The following ZFAND6 variants were observed in gnomAD, a reference collection of about 807,000 sequenced individuals.
ZFAND6 encodes AN1-type zinc finger protein 6.
ZFAND6 carries 12 observed loss-of-function variants against 24.5 expected under a neutral mutation model. The ratio of observed to expected loss-of-function variants is 0.49; its 90% CI spans 0.31 to 0.79. The LOEUF (loss-of-function observed/expected upper bound fraction) is 0.79, where lower values mean the gene tolerates loss of function less well. Among genes scored for constraint, ZFAND6 ranks in the 30% least tolerant of loss-of-function variants. The probability of loss-of-function intolerance (pLI) is 0.04; values close to 1 mark genes in which losing one functional copy is unlikely to be tolerated. For missense variants in ZFAND6, 207 were observed against 245.9 expected (o/e 0.84, Z 1.06); for synonymous variants, 92 against 81.5 (o/e 1.13, Z -0.69).
At chr15:80,113,281 A>G (rs1401952117) in intron 2 of ZFAND6, among the ~76,000 whole-genome samples, 1 of 152,196 alleles carries the variant, frequency 6.6e-6, no homozygotes, top group East Asian at 1.9e-4. Flanking sequence ...TGAGTCCAAT[A>G]TTGTCAGATC....
At chr15:80,099,016 A>G (rs1293399274) in intron 2 of ZFAND6, among the ~76,000 whole-genome samples, 1 of 152,050 alleles carries the variant, frequency 6.6e-6, no homozygotes. Context: ...AATAATTTAA[A>G]TTATAATAAT....
At chr15:80,066,766 C>T (rs959336813) in intron 1 of ZFAND6, among the ~76,000 whole-genome samples, 3 of 151,084 alleles carry the variant, frequency 2.0e-5, no homozygotes, top group Admixed American at 1.3e-4. Context: ...GCGTGGTGGC[C>T]GGTAGCTGTA....
At chr15:80,096,067 T>C (rs1010695758) in intron 1 of ZFAND6, among the ~76,000 whole-genome samples, 1 of 152,232 alleles carries the variant, frequency 6.6e-6, no homozygotes, top group Admixed American at 6.5e-5. Flanking sequence ...CAAATAGATT[T>C]GGCTTCAGGT....
chr15:80,085,751 GTTTAAC>G (rs2037957134), intron 1 of ZFAND6, among the ~76,000 whole-genome samples: 1 of 152,054 alleles, frequency 6.6e-6, no homozygotes, highest in African/African-American at 2.4e-5. Flanking sequence ...GTGTGTGTGT[GTTTAAC>G]TTTAGGATAT....
intron 2 of ZFAND6, among the ~76,000 whole-genome samples, chr15:80,099,074 T>C (rs1021655913): frequency 5.3e-5 from 8 of 152,132 alleles, no homozygotes; most frequent in Non-Finnish European, 8.8e-5. Context: ...TCAAAGAGTA[T>C]ATCAAAATAC....
chr15:80,085,178 A>G (rs531997013), intron 1 of ZFAND6, among the ~76,000 whole-genome samples: 2 of 152,316 alleles, frequency 1.3e-5, no homozygotes, highest in South Asian at 4.1e-4. Flanking sequence ...GTCAAGTATC[A>G]AGGCTACTCC....
At position 80,075,416 on chromosome 15, in the gene ZFAND6, A is replaced by AT. The variant is rs2141832713; in HGVS notation, c.-181+15609dup. ...TTTTTTAGTGGTTTCTGTAACTGTAATTCTGCAGTACTACTGATCTTACAT... is the reference window on the plus strand; with the variant it reads ...TTTTTTAGTGGTTTCTGTAACTGTAATTTCTGCAGTACTACTGATCTTACAT... On this transcript the variant is annotated intron_variant, in intron 1 of 6. Coordinates refer to ENST00000261749, the MANE Select transcript of ZFAND6 (RefSeq NM_019006.4). 2.3e-5 allele frequency: 4 copies of AT among 177,608 alleles called. No individual in the cohort carries two copies. In the South Asian group the frequency reaches 3.8e-4, roughly 17 times the overall value. The allele number at this position is 177,608 out of a possible 1,614,324, so 11.0% of individuals were successfully genotyped here.
chr15:80,104,913 CT>C (rs1340132328), intron 2 of ZFAND6, among the ~76,000 whole-genome samples: 1 of 152,074 alleles, frequency 6.6e-6, no homozygotes, highest in Non-Finnish European at 1.5e-5. Flanking sequence ...ACCTAGAATT[CT>C]TTTCAGAGCA....
At chr15:80,100,648 C>G (rs1456804987) in intron 2 of ZFAND6, among the ~76,000 whole-genome samples, 1 of 152,204 alleles carries the variant, frequency 6.6e-6, no homozygotes, top group African/African-American at 2.4e-5. Flanking sequence ...TACCCTTTAC[C>G]TTACCACAAT....
intron 5 of ZFAND6, chr15:80,130,014 T>C (rs1376954164): frequency 1.3e-5 from 2 of 152,182 alleles, no homozygotes; most frequent in Non-Finnish European, 2.9e-5. Flanking sequence ...GAAAGAAGGA[T>C]GAAGAAAATC....
At chr15:80,087,465 C>T (rs906796629) in intron 1 of ZFAND6, among the ~76,000 whole-genome samples, 1 of 152,222 alleles carries the variant, frequency 6.6e-6, no homozygotes, top group Admixed American at 6.5e-5. Flanking sequence ...AGCCTCCTGT[C>T]ATTCCAATGC....
chr15:80,092,655 C>T (rs983026983), intron 1 of ZFAND6, among the ~76,000 whole-genome samples: 11 of 152,050 alleles, frequency 7.2e-5, no homozygotes, highest in African/African-American at 1.7e-4. Context: ...AGGCTGTGCA[C>T]GTAATCAGTG....
At chr15:80,059,567 T>A (rs1346576173), upstream of ZFAND6, 1 of 151,494 alleles carries the variant, frequency 6.6e-6, no homozygotes, top group Admixed American at 6.6e-5. Flanking sequence ...CCCGCGCCGG[T>A]AATAATTAGC....
chr15:80,068,150 T>G (rs916808210), intron 1 of ZFAND6, among the ~76,000 whole-genome samples: 1 of 147,772 alleles, frequency 6.8e-6, no homozygotes, highest in Admixed American at 6.8e-5. Context: ...TTTGTTTGTT[T>G]GTTTGTTTGT....
chr15:80,114,223 C>G (rs1475956012), intron 2 of ZFAND6, among the ~76,000 whole-genome samples: 3 of 152,096 alleles, frequency 2.0e-5, no homozygotes, highest in Non-Finnish European at 4.4e-5. Flanking sequence ...TGTAAGTGCC[C>G]TCTTAGTTGA....
At chr15:80,114,785 T>C (rs1481144851) in intron 2 of ZFAND6, among the ~76,000 whole-genome samples, 1 of 152,216 alleles carries the variant, frequency 6.6e-6, no homozygotes, top group Non-Finnish European at 1.5e-5. Context: ...TTTTTAATCC[T>C]GCTAAGAACT....
At chr15:80,096,222 CAGT>C (rs1414019315) in intron 1 of ZFAND6, among the ~76,000 whole-genome samples, 2 of 152,218 alleles carry the variant, frequency 1.3e-5, no homozygotes, top group African/African-American at 4.8e-5. Flanking sequence ...GTAAAACTCT[CAGT>C]GGTGTCTGTT....
At chr15:80,096,590 CATTA>C (rs1343840080) in intron 1 of ZFAND6, among the ~76,000 whole-genome samples, 1 of 152,162 alleles carries the variant, frequency 6.6e-6, no homozygotes, top group Non-Finnish European at 1.5e-5. Flanking sequence ...AATATTTCAG[CATTA>C]ATTAATAGTT....
intron 5 of ZFAND6, chr15:80,130,460 T>G (rs1291147633): frequency 6.6e-6 from 1 of 152,118 alleles, no homozygotes; most frequent in Admixed American, 6.5e-5. Flanking sequence ...TAGAGCAAAA[T>G]GTCACGTCTG....
Sources: gnomAD v4.1 joint callset for allele counts (sites outside exome capture counted in the v4.1 genomes callset) on GRCh38, gnomAD v4.1.1 for gene constraint, MANE v1.5 for transcripts, NCBI Gene and HGNC (gene_info 2026-07-23, HGNC 2026-07-21) for gene names.